The following ZFR2 variants were observed in gnomAD, a reference collection of about 807,000 sequenced individuals.
ZFR2 encodes zinc finger RNA binding protein 2, also known as zinc finger RNA-binding protein 2.
ZFR2 carries 104 observed loss-of-function variants against 105.7 expected under a neutral mutation model. That is an observed-to-expected ratio of 0.98 (90% CI 0.84 to 1.16). ZFR2 has a LOEUF of 1.16. Ranked by LOEUF, ZFR2 falls within the 50% of genes most tolerant of loss-of-function variation. The pLI is 0.00. For synonymous variants in ZFR2, 634 were observed against 597.7 expected, an observed-to-expected ratio of 1.06 and a Z score of -0.89; for missense variants, 1,425 against 1,355.5, an observed-to-expected ratio of 1.05 and a Z score of -0.80.
intron 6 of ZFR2, 131 bp downstream of exon 6, chr19:3,827,340 T>TG: frequency 8.7e-7 from 1 of 1,143,958 alleles, no homozygotes; most frequent in Admixed American, 3.7e-5. Context: ...GGCTGGCCCT[T>TG]GGGGCGCGCT....
At chr19:3,863,147 G>A (rs1156537731) in intron 1 of ZFR2, among the ~76,000 whole-genome samples, 8 of 152,234 alleles carry the variant, frequency 5.3e-5, no homozygotes, top group Non-Finnish European at 8.8e-5. Context: ...CCTGCCGGAG[G>A]GCGAGCGTGG....
intron 5 of ZFR2, among the ~76,000 whole-genome samples, chr19:3,828,530 G>A (rs975653000): frequency 8.5e-5 from 13 of 152,142 alleles, no homozygotes; most frequent in Non-Finnish European, 1.9e-4. Flanking sequence ...GGATAGTCAC[G>A]TACACTTCCA....
intron 5 of ZFR2, among the ~76,000 whole-genome samples, chr19:3,830,942 C>T (rs910750929): frequency 2.6e-5 from 4 of 151,630 alleles, no homozygotes; most frequent in Non-Finnish European, 5.9e-5. Context: ...TGCAGGCATA[C>T]ATGCGCACAC....
rs2038099999 is a variant in ZFR2 at position 3,838,309 on chromosome 19, G to A, written c.54-3326C>T. 6.6e-6 allele frequency among the ~76,000 whole-genome samples: 1 copy of A among 152,216 alleles called. No homozygotes were observed. The highest frequency in any genetic ancestry group is 1.5e-5 in the Non-Finnish European group (1 of 68,044). Reference sequence around the variant, plus strand: ...CAGACACCTGATGAACACTATGACAGTGGCAGTACTCCTGTTCCCACACTC... The same window carrying A: ...CAGACACCTGATGAACACTATGACAATGGCAGTACTCCTGTTCCCACACTC... On this transcript the variant is annotated intron_variant, in intron 1 of 18. Coordinates refer to ENST00000262961, the MANE Select transcript of ZFR2 (RefSeq NM_015174.2). The surrounding 1 kb of genome is among the most constrained non-coding windows in gnomAD (Gnocchi z 4.9).
At chr19:3,816,895 T>C (rs1302244260) in intron 12 of ZFR2, 50 bp from the exon 13 acceptor site, 1 of 1,494,922 alleles carries the variant, frequency 6.7e-7, no homozygotes. Context: ...AGACGCGGGG[T>C]ACCCCAGCTG....
At position 3,828,111 on chromosome 19, in the gene ZFR2, C is replaced by T. The variant is rs183039102; in HGVS notation, c.853-458G>A. 1.4e-4 allele frequency among the ~76,000 whole-genome samples: 21 copies of T among 151,640 alleles called. No homozygotes were observed. In the South Asian group the frequency reaches 2.3e-3, roughly 17 times the overall value. ...CTGGGATGACAGGAGCGCACCACCG[C>T]GCCCAGCCTATCTTCTTACTATAGA... On this transcript the variant is annotated intron_variant, in intron 5 of 18. Coordinates refer to ENST00000262961, the MANE Select transcript of ZFR2 (RefSeq NM_015174.2).
chr19:3,845,699 G>A (rs2038178663), intron 1 of ZFR2, among the ~76,000 whole-genome samples: 1 of 151,908 alleles, frequency 6.6e-6, no homozygotes, highest in Non-Finnish European at 1.5e-5. Flanking sequence ...GGAGGCTGAG[G>A]AAGGAGGGTC....
intron 1 of ZFR2, chr19:3,855,341 T>C (rs1599253987): frequency 8.1e-7 from 1 of 1,229,290 alleles, no homozygotes; most frequent in East Asian, 3.2e-5. Flanking sequence ...TGAGGCACCA[T>C]TTTAAAGATG....
In ZFR2 at chr19:3,823,239, G is replaced by A. The variant is rs2240231; in HGVS notation, c.1371+7C>T. 630,152 of 1,613,360 alleles carry A rather than the reference G, an allele frequency of 0.39. 124,083 individuals carry two copies. The highest frequency in any genetic ancestry group is 0.45 in the East Asian group (20,234 of 44,846). ...CGGGGCACCAGGACTTGACAGCCTCGACTTACCTCCTCCACATATTCCGGG... is the reference window on the plus strand; with the variant it reads ...CGGGGCACCAGGACTTGACAGCCTCAACTTACCTCCTCCACATATTCCGGG... On this transcript the variant is annotated splice_region_variant and intron_variant, in intron 8 of 18. Transcript: ENST00000262961. This position sits in a 1 kb window ranked among gnomAD's most constrained non-coding sequence, Gnocchi z 5.4.
rs1224309194 is a variant in ZFR2 at position 3,823,361 on chromosome 19, C to A, written c.1256G>T (p.Gly419Val). 6.2e-7 allele frequency: 1 copy of A among 1,613,760 alleles called. No homozygotes were observed. The highest frequency in any genetic ancestry group is 1.7e-5 in the Admixed American group (1 of 59,994). The stretch of plus-strand genomic sequence containing the variant: ...CTCTAATTTAGGTTGGGCTGGTTTC[C>A]CCCACTGGGGTCTGCAGCCTGCTGC... ...PQAAGCRPQWGKPAQPKLEGP... is the reference protein window; with the variant it reads ...PQAAGCRPQWVKPAQPKLEGP... Residue 419 changes from glycine (G) to valine (V), a missense_variant, in exon 8 of 19, where the codon GGG (glycine) becomes GTG (valine). By Grantham distance (109) the Gly-to-Val change is moderately radical. Coordinates refer to ENST00000262961, the MANE Select transcript of ZFR2 (RefSeq NM_015174.2). The surrounding 1 kb of genome is among the most constrained non-coding windows in gnomAD (Gnocchi z 5.4).
intron 1 of ZFR2, among the ~76,000 whole-genome samples, chr19:3,842,170 G>A (rs2038138856): frequency 6.6e-6 from 1 of 151,862 alleles, no homozygotes; most frequent in Admixed American, 6.6e-5. Flanking sequence ...GCACCACCAT[G>A]CCTAGCTAAT....
At chr19:3,841,238 T>C (rs1301579118) in intron 1 of ZFR2, among the ~76,000 whole-genome samples, 1 of 152,216 alleles carries the variant, frequency 6.6e-6, no homozygotes, top group East Asian at 1.9e-4. Flanking sequence ...AACCCTCCTG[T>C]TGGGAACACG....
At chr19:3,829,129 T>C (rs2037983460) in intron 5 of ZFR2, among the ~76,000 whole-genome samples, 2 of 151,872 alleles carry the variant, frequency 1.3e-5, no homozygotes, top group South Asian at 4.2e-4. Context: ...GCCTGGCTAA[T>C]TTTTGTATTT....
intron 1 of ZFR2, among the ~76,000 whole-genome samples, chr19:3,860,356 C>T (rs2038359255): frequency 6.6e-6 from 1 of 151,966 alleles, no homozygotes; most frequent in East Asian, 1.9e-4. Flanking sequence ...ATTTTATCAC[C>T]CCAGGCTCAC....
Position 3,831,790 on chromosome 19 carries a change from T to C in ZFR2, c.468A>G (p.Gly156=). ...PPQQAPIVES[G]QPASTLSSGY... ...CCGAGGACAAGGTGCTCGCTGGCTGTCCGGACTCCACTATGGGCGCCTGCT... is the reference window on the plus strand; with the variant it reads ...CCGAGGACAAGGTGCTCGCTGGCTGCCCGGACTCCACTATGGGCGCCTGCT... The change falls in exon 4 of 19, where the codon GGA becomes GGG. Residue 156 remains glycine, a synonymous_variant. Transcript: ENST00000262961. 7.5e-6 allele frequency: 12 copies of C among 1,610,320 alleles called. No individual in the cohort carries two copies. Among genetic ancestry groups the C allele is most frequent in the Non-Finnish European group, 1.0e-5 (12 of 1,179,402 alleles).
chr19:3,837,281 C>T (rs2145167053), intron 1 of ZFR2, among the ~76,000 whole-genome samples: 1 of 152,346 alleles, frequency 6.6e-6, no homozygotes, highest in Middle Eastern at 3.4e-3. Context: ...TCCTGAGTGT[C>T]CACATGCTGG....
chr19:3,829,309 G>A (rs1476767391), intron 5 of ZFR2, among the ~76,000 whole-genome samples: 1 of 145,724 alleles, frequency 6.9e-6, no homozygotes, highest in Non-Finnish European at 1.5e-5. Flanking sequence ...CTAAGCAATA[G>A]AATAAATACG....
In ZFR2 at chr19:3,858,044, G is replaced by T. The variant is rs1387362788; in HGVS notation, c.53+10921C>A. On this transcript the variant is annotated intron_variant, in intron 1 of 18. Coordinates refer to ENST00000262961, the MANE Select transcript of ZFR2 (RefSeq NM_015174.2). This position sits in a 1 kb window ranked among gnomAD's most constrained non-coding sequence, Gnocchi z 4.3. Reference sequence around the variant, plus strand: ...TTTTTGGTCGGAGAATTTGTTTTGGGAAGTCAAGCTTTTTCAGGTGCATCC... The same window carrying T: ...TTTTTGGTCGGAGAATTTGTTTTGGTAAGTCAAGCTTTTTCAGGTGCATCC... Among the ~76,000 whole-genome samples, 1 of 152,166 alleles carries T rather than the reference G, an allele frequency of 6.6e-6. No individual in the cohort carries two copies. The highest frequency in any genetic ancestry group is 1.5e-5 in the Non-Finnish European group (1 of 68,024).
intron 1 of ZFR2, among the ~76,000 whole-genome samples, chr19:3,847,050 C>T (rs1008988334): frequency 5.3e-5 from 8 of 152,098 alleles, no homozygotes; most frequent in Admixed American, 5.2e-4. Context: ...CAAGTTGGTG[C>T]TGACTGTTGG....
Sources: allele counts gnomAD v4.1 joint callset (sites outside exome capture counted in the v4.1 genomes callset), GRCh38; gene constraint gnomAD v4.1.1; non-coding constraint Gnocchi (gnomAD v3.1); transcripts MANE v1.5; gene names NCBI Gene and HGNC (gene_info 2026-07-23, HGNC 2026-07-21).